The following SLC39A11 variants were observed in gnomAD, a reference collection of about 807,000 sequenced individuals.
SLC39A11 encodes the protein solute carrier family 39 member 11, also known as zinc transporter ZIP11.
Under a neutral mutation model 36.1 loss-of-function variants are expected in SLC39A11, and 33 were observed. The ratio of observed to expected loss-of-function variants is 0.91; its 90% CI spans 0.69 to 1.22. The LOEUF is 1.22. SLC39A11 is among the 50% of genes most tolerant of loss of function. The pLI is 0.00. For missense variants in SLC39A11, 432 were observed against 430.3 expected, an observed-to-expected ratio of 1.00 and a Z score of -0.03; for synonymous variants, 166 against 170.3, an observed-to-expected ratio of 0.97 and a Z score of 0.20.
chr17:72,789,717 A>G (rs1037706335), intron 6 of SLC39A11, among the ~76,000 whole-genome samples: 3 of 152,226 alleles, frequency 2.0e-5, no homozygotes, highest in Non-Finnish European at 4.4e-5. Flanking sequence ...TTTCATTATG[A>G]GGGTTCTTTA....
chr17:72,897,118 A>G (rs1441350975), intron 5 of SLC39A11, among the ~76,000 whole-genome samples: 1 of 151,570 alleles, frequency 6.6e-6, no homozygotes, highest in Non-Finnish European at 1.5e-5. Context: ...AGAGCACTCC[A>G]ACAACAGAAA....
At chr17:72,700,519 C>T (rs2072558596) in intron 7 of SLC39A11, among the ~76,000 whole-genome samples, 1 of 152,222 alleles carries the variant, frequency 6.6e-6, no homozygotes, top group Non-Finnish European at 1.5e-5. Flanking sequence ...AGGGAAGGGA[C>T]ACAGGAGTCA....
intron 5 of SLC39A11, among the ~76,000 whole-genome samples, chr17:72,898,457 T>A (rs1238867474): frequency 6.6e-6 from 1 of 152,178 alleles, no homozygotes; most frequent in Non-Finnish European, 1.5e-5. Flanking sequence ...AGGCATGAAT[T>A]TCTGGGCTTC....
At chr17:72,677,996 C>T (rs1466497467) in intron 7 of SLC39A11, among the ~76,000 whole-genome samples, 1 of 152,208 alleles carries the variant, frequency 6.6e-6, no homozygotes, top group Non-Finnish European at 1.5e-5. Flanking sequence ...GGCAGGAGCG[C>T]CCTTTCCCTT....
chr17:73,015,739 C>A (rs768942676), intron 4 of SLC39A11, among the ~76,000 whole-genome samples: 3 of 152,144 alleles, frequency 2.0e-5, no homozygotes, highest in Non-Finnish European at 2.9e-5. Context: ...CGCACCACCA[C>A]GCCCAGCTAA....
At chr17:72,667,136 G>A (rs1452126225) in intron 7 of SLC39A11, among the ~76,000 whole-genome samples, 3 of 152,158 alleles carry the variant, frequency 2.0e-5, no homozygotes, top group Non-Finnish European at 4.4e-5. Context: ...AGACCTTGGG[G>A]TTAGGGTCAT....
At chr17:72,847,573 A>T (rs1403140262) in intron 6 of SLC39A11, among the ~76,000 whole-genome samples, 1 of 152,230 alleles carries the variant, frequency 6.6e-6, no homozygotes, top group Admixed American at 6.5e-5. Flanking sequence ...GATAGAAATA[A>T]CAGAGGAATG....
At chr17:72,961,693 T>A (rs561324678) in intron 4 of SLC39A11, among the ~76,000 whole-genome samples, 1 of 150,272 alleles carries the variant, frequency 6.7e-6, no homozygotes, top group Non-Finnish European at 1.5e-5. Flanking sequence ...AACAATGAGA[T>A]CACTTGGACA....
intron 5 of SLC39A11, among the ~76,000 whole-genome samples, chr17:72,912,881 C>A (rs967553203): frequency 2.6e-5 from 4 of 152,214 alleles, no homozygotes; most frequent in African/African-American, 9.6e-5. Context: ...CTCCCCATCC[C>A]TCTTGCTCCA....
At chr17:72,768,180 T>C (rs1302293539) in intron 6 of SLC39A11, among the ~76,000 whole-genome samples, 1 of 152,228 alleles carries the variant, frequency 6.6e-6, no homozygotes, top group Non-Finnish European at 1.5e-5. Context: ...AGTGGTGTTA[T>C]CTGCAGGAAT....
At chr17:72,960,742 T>C (rs2147917862) in intron 4 of SLC39A11, among the ~76,000 whole-genome samples, 1 of 152,088 alleles carries the variant, frequency 6.6e-6, no homozygotes, top group African/African-American at 2.4e-5. Context: ...GCCCAACAGC[T>C]GAAGGCTGCA....
chr17:72,730,611 C>T (rs1015474752), intron 7 of SLC39A11, among the ~76,000 whole-genome samples: 1 of 152,218 alleles, frequency 6.6e-6, no homozygotes, highest in Admixed American at 6.5e-5. Context: ...CTTCCCTCCT[C>T]CATCCTATAC....
intron 3 of SLC39A11, among the ~76,000 whole-genome samples, chr17:73,060,742 T>C (rs1599086509): frequency 6.6e-6 from 1 of 152,174 alleles, no homozygotes; most frequent in East Asian, 1.9e-4. Flanking sequence ...TCTTTGAATT[T>C]TACTCATATG....
intron 3 of SLC39A11, among the ~76,000 whole-genome samples, chr17:73,037,523 T>C (rs2058961726): frequency 1.3e-5 from 2 of 152,236 alleles, no homozygotes; most frequent in African/African-American, 2.4e-5. Context: ...GGAATACTTT[T>C]GCCAGCCAGT....
intron 3 of SLC39A11, among the ~76,000 whole-genome samples, chr17:73,036,639 T>G (rs2058925873): frequency 6.6e-6 from 1 of 151,798 alleles, no homozygotes. Flanking sequence ...TAGAGATGGG[T>G]TTTCACCATA....
Position 73,007,972 on chromosome 17 carries a change from G to A in SLC39A11, c.306+23584C>T, listed in dbSNP as rs925691170. ...ACAAAAATTAGCGGGGTGTGGTGGC[G>A]TGAGCCTGTAGTCCCAGCTACTCAG... On this transcript the variant is annotated intron_variant, in intron 4 of 9. Coordinates refer to ENST00000255559, the MANE Select transcript of SLC39A11 (RefSeq NM_139177.4). 2.0e-4 allele frequency among the ~76,000 whole-genome samples: 31 copies of A among 151,840 alleles called. 2 individuals carry two copies. The highest frequency in any genetic ancestry group is 1.6e-3 in the Admixed American group (24 of 15,254).
At chr17:72,888,103 C>T (rs2081527829) in intron 5 of SLC39A11, among the ~76,000 whole-genome samples, 1 of 152,188 alleles carries the variant, frequency 6.6e-6, no homozygotes, top group Admixed American at 6.5e-5. Flanking sequence ...GAAAATTCTT[C>T]CCAGAGTCGT....
intron 6 of SLC39A11, among the ~76,000 whole-genome samples, chr17:72,756,962 A>T (rs1289327615): frequency 6.6e-6 from 1 of 150,762 alleles, no homozygotes; most frequent in East Asian, 1.9e-4. Context: ...AGCTTGGCCA[A>T]CATGGTGAAA....
At chr17:72,779,511 T>C (rs2076239388) in intron 6 of SLC39A11, among the ~76,000 whole-genome samples, 1 of 152,154 alleles carries the variant, frequency 6.6e-6, no homozygotes, top group Non-Finnish European at 1.5e-5. Flanking sequence ...TCCTGGGACA[T>C]GAGAGGTGTA....
Sources: gnomAD v4.1 joint callset for allele counts (sites outside exome capture counted in the v4.1 genomes callset) on GRCh38, gnomAD v4.1.1 for gene constraint, MANE v1.5 for transcripts, NCBI Gene and HGNC (gene_info 2026-07-23, HGNC 2026-07-21) for gene names.